PCDH11X: variants seen among roughly 807,000 people sequenced by gnomAD.
PCDH11X encodes the protein protocadherin-11 X-linked.
In PCDH11X, 18 loss-of-function variants were observed where a neutral mutation model predicts 53.3. The ratio of observed to expected loss-of-function variants is 0.34; its 90% CI spans 0.23 to 0.50. The LOEUF (loss-of-function observed/expected upper bound fraction) is 0.50. Among genes scored for constraint, PCDH11X ranks in the 20% least tolerant of loss-of-function variants. The pLI, the probability that PCDH11X is intolerant of heterozygous loss-of-function variation, is 0.98. For synonymous variants in PCDH11X, 279 were observed against 393.3 expected, an observed-to-expected ratio of 0.71 and a Z score of 3.44; for missense variants, 570 against 1,032.4, an observed-to-expected ratio of 0.55 and a Z score of 6.14.
chrX:92,116,273 G>A (rs1457054676), intron 6 of PCDH11X, among the ~76,000 whole-genome samples: 1 of 111,707 alleles, frequency 9.0e-6, no homozygotes, highest in Admixed American at 9.5e-5. Flanking sequence ...TTATTAAATA[G>A]CCTATAATAT....
Position 92,618,362 on chromosome X carries a change from G to A in PCDH11X, c.3466G>A (p.Ala1156Thr), listed in dbSNP as rs778003888. The change falls in exon 11 of 11, where the codon GCA (alanine) becomes ACA (threonine). Residue 1156 changes from alanine to threonine, a missense_variant. Around this residue, in one of 6 missense-constraint regions of PCDH11X, gnomAD observed 234 missense variants for 296.1 expected, o/e 0.79. Coordinates refer to ENST00000682573, the MANE Select transcript of PCDH11X (RefSeq NM_032968.5). ...CCATTCTGATGCCTGCTGGATGCCG[G>A]CATCTCTGGATCATTCCAGCTCTTC... ...YGHSDACWMP[A>T]SLDHSSSSQA... The A allele has an allele frequency of 5.8e-6, 7 of 1,209,964 alleles. No individual in the cohort carries two copies. In the South Asian group the frequency reaches 1.1e-4, roughly 18 times the overall value.
chrX:91,893,806 A>C (rs1448110667), intron 6 of PCDH11X, among the ~76,000 whole-genome samples: 1 of 111,180 alleles, frequency 9.0e-6, no homozygotes, highest in Non-Finnish European at 1.9e-5. Context: ...AAAATGCAGA[A>C]ACTACATATC....
chrX:92,224,187 G>A (rs992583119), intron 7 of PCDH11X, among the ~76,000 whole-genome samples: 2 of 111,768 alleles, frequency 1.8e-5, no homozygotes, highest in Non-Finnish European at 3.8e-5. Flanking sequence ...GAGACTTAAG[G>A]CAAAATGAAT....
chrX:92,471,961 T>G (rs1007439234), intron 10 of PCDH11X, among the ~76,000 whole-genome samples: 1 of 111,882 alleles, frequency 8.9e-6, no homozygotes, highest in African/African-American at 3.3e-5. Context: ...GTTGTTTTTT[T>G]TCTTTGTAAT....
intron 6 of PCDH11X, among the ~76,000 whole-genome samples, chrX:92,160,508 G>A (rs1413188463): frequency 9.2e-6 from 1 of 109,273 alleles, no homozygotes; most frequent in Non-Finnish European, 1.9e-5. Flanking sequence ...TTTTATGGCT[G>A]AGTAGTATCC....
At chrX:92,166,758 C>T (rs2065739174) in intron 6 of PCDH11X, among the ~76,000 whole-genome samples, 1 of 110,206 alleles carries the variant, frequency 9.1e-6, no homozygotes, top group Non-Finnish European at 1.9e-5. Context: ...ATTAGCTGGG[C>T]ATAGTGGCAT....
At chrX:92,113,751 C>G in intron 6 of PCDH11X, 3 of 1,202,148 alleles carry the variant, frequency 2.5e-6, no homozygotes, top group Non-Finnish European at 3.4e-6. Context: ...ACTCTTCCTT[C>G]TTGACAAGAA....
At chrX:92,492,841 C>A (rs929635258) in intron 10 of PCDH11X, among the ~76,000 whole-genome samples, 9 of 109,638 alleles carry the variant, frequency 8.2e-5, no homozygotes, top group Non-Finnish European at 1.5e-4. Context: ...TAAACTTTTT[C>A]TTTCTGTTCC....
chrX:92,616,948 A>G (rs974119885), intron 10 of PCDH11X, among the ~76,000 whole-genome samples: 1 of 110,967 alleles, frequency 9.0e-6, no homozygotes, highest in Admixed American at 9.6e-5. Context: ...CACAGATTCC[A>G]CACACATTTT....
intron 8 of PCDH11X, among the ~76,000 whole-genome samples, chrX:92,267,433 A>G (rs1384504349): frequency 8.9e-6 from 1 of 112,641 alleles, no homozygotes; most frequent in Non-Finnish European, 1.9e-5. Context: ...AAGAGTAGCT[A>G]TAGTAGCAAA....
Position 91,886,203 on chromosome X carries a change from T to A in PCDH11X, c.3033+6930T>A, listed in dbSNP as rs185739464. ...GCAAGTTCTCAGATATCTCCAACCT[T>A]TTGTGTTGTCATTCATCGACTACGG... is the stretch of plus-strand genomic sequence containing the variant. On this transcript the variant is annotated intron_variant, in intron 6 of 10. Transcript: ENST00000682573. Among the ~76,000 whole-genome samples the A allele has an allele frequency of 4.2e-4, 47 of 111,789 alleles. No individual in the cohort carries two copies. The East Asian group carries it at 0.012, about 29-fold the overall frequency.
chrX:92,152,836 C>T (rs35510165), intron 6 of PCDH11X, among the ~76,000 whole-genome samples: 5 of 110,827 alleles, frequency 4.5e-5, no homozygotes, highest in African/African-American at 9.8e-5. Flanking sequence ...CTAGCTCTGT[C>T]GCCCAGGCTG....
At chrX:91,985,853 A>G (rs2062220089) in intron 6 of PCDH11X, among the ~76,000 whole-genome samples, 1 of 107,823 alleles carries the variant, frequency 9.3e-6, no homozygotes, top group Non-Finnish European at 1.9e-5. Flanking sequence ...AACTAAGCCA[A>G]ATGCTAAGTT....
chrX:91,945,048 CATATATATATAT>C (rs754168068), intron 6 of PCDH11X, among the ~76,000 whole-genome samples: 1 of 63,242 alleles, frequency 1.6e-5, no homozygotes, highest in Non-Finnish European at 3.1e-5. Flanking sequence ...ACATCATATA[CATATATATATAT>C]ATATATATTC....
intron 8 of PCDH11X, among the ~76,000 whole-genome samples, chrX:92,381,815 A>G (rs1476311279): frequency 1.8e-5 from 2 of 111,676 alleles, no homozygotes; most frequent in African/African-American, 6.5e-5. Flanking sequence ...TGTTCAAACC[A>G]AACTTGTGGC....
chrX:92,618,764 T>C lies in PCDH11X; in HGVS notation c.3868T>C (p.Cys1290Arg). Residue 1290 changes from cysteine (C) to arginine (R), a missense_variant, in exon 11 of 11, where the codon TGC becomes CGC. Transcript: ENST00000682573. ...QGWVQGADGL[C>R]SVDQGVQGSA... ...TTGGGTGCAAGGTGCTGATGGGCTA[T>C]GCTCTGTTGATCAGGGAGTGCAAGG... 8.3e-7 allele frequency: 1 copy of C among 1,212,009 alleles called. No homozygotes were observed. Among genetic ancestry groups the C allele is most frequent in the African/African-American group, 1.7e-5 (1 of 57,843 alleles).
At chrX:91,997,565 A>G (rs753885104) in intron 6 of PCDH11X, among the ~76,000 whole-genome samples, 7 of 111,884 alleles carry the variant, frequency 6.3e-5, no homozygotes, top group African/African-American at 2.3e-4. Flanking sequence ...CCAGAAATAA[A>G]TCCCACTTGA....
chrX:92,377,148 C>T (rs1250224092), intron 8 of PCDH11X, among the ~76,000 whole-genome samples: 1 of 111,732 alleles, frequency 8.9e-6, no homozygotes, highest in Non-Finnish European at 1.9e-5. Context: ...ATATGACCTA[C>T]TGTATCTTGT....
At chrX:92,444,177 C>T (rs1214967560) in intron 9 of PCDH11X, among the ~76,000 whole-genome samples, 1 of 107,672 alleles carries the variant, frequency 9.3e-6, no homozygotes, top group Non-Finnish European at 1.9e-5. Flanking sequence ...AAACGTTTTT[C>T]CATGTGTTTT....
Sources: allele counts gnomAD v4.1 joint callset (sites outside exome capture counted in the v4.1 genomes callset), GRCh38; gene constraint gnomAD v4.1.1; regional missense constraint gnomAD v4.1.1; transcripts MANE v1.5; gene names NCBI Gene and HGNC (gene_info 2026-07-23, HGNC 2026-07-21).